MACROD2: variants seen among roughly 807,000 people sequenced by gnomAD.
The protein encoded by MACROD2 is mono-ADP ribosylhydrolase 2.
MACROD2 carries 36 observed loss-of-function variants against 70.4 expected under a neutral mutation model. That is an observed-to-expected ratio of 0.51 (90% CI 0.39 to 0.68). MACROD2 has a LOEUF of 0.68. MACROD2 is among the 30% of genes least tolerant of loss of function. The pLI, the probability that MACROD2 is intolerant of heterozygous loss-of-function variation, is 0.00. For missense variants in MACROD2, 496 were observed against 538.4 expected (o/e 0.92, Z 0.78); for synonymous variants, 172 against 178.8 (o/e 0.96, Z 0.30).
chr20:14,936,062 C>T (rs2074337962), intron 5 of MACROD2, among the ~76,000 whole-genome samples: 1 of 152,102 alleles, frequency 6.6e-6, no homozygotes, highest in Admixed American at 6.6e-5. Flanking sequence ...CTTGTGCTTA[C>T]ATTTCAGTGG....
intron 7 of MACROD2, among the ~76,000 whole-genome samples, chr20:15,477,170 A>G (rs1253107821): frequency 7.0e-6 from 1 of 143,106 alleles, no homozygotes; most frequent in Non-Finnish European, 1.5e-5. Context: ...GCGTAATCAC[A>G]GCAAACTGCA....
chr20:15,981,185 T>C (rs2066392933), intron 13 of MACROD2, among the ~76,000 whole-genome samples: 2 of 152,146 alleles, frequency 1.3e-5, no homozygotes, highest in Non-Finnish European at 1.5e-5. Context: ...TGTCTACATA[T>C]CCAGTATAAC....
intron 6 of MACROD2, among the ~76,000 whole-genome samples, chr20:15,359,009 C>A (rs2078321661): frequency 1.3e-5 from 2 of 152,120 alleles, no homozygotes; most frequent in African/African-American, 4.8e-5. Flanking sequence ...CTTCAACGTG[C>A]TATTCTCTTA....
intron 4 of MACROD2, among the ~76,000 whole-genome samples, chr20:14,641,413 T>G (rs1985082980): frequency 6.6e-6 from 1 of 152,242 alleles, no homozygotes; most frequent in South Asian, 2.1e-4. Context: ...TTGAATTTTC[T>G]TCCATGAATC....
At chr20:15,619,940 A>G (rs1238636615) in intron 8 of MACROD2, 1 of 152,590 alleles carries the variant, frequency 6.6e-6, no homozygotes, top group Admixed American at 6.5e-5. Flanking sequence ...GGTCCCTGTC[A>G]ATAGGGTTGC....
At chr20:15,174,179 ACACTCAAGTG>A (rs2076442824) in intron 5 of MACROD2, among the ~76,000 whole-genome samples, 2 of 152,178 alleles carry the variant, frequency 1.3e-5, no homozygotes, top group Admixed American at 1.3e-4. Context: ...TATTATTTTT[ACACTCAAGTG>A]CAATGTCTCG....
intron 5 of MACROD2, among the ~76,000 whole-genome samples, chr20:14,833,223 G>A (rs1184409478): frequency 1.3e-5 from 2 of 152,122 alleles, no homozygotes; most frequent in Non-Finnish European, 2.9e-5. Context: ...CATTCCATAC[G>A]TGGGGCTTAT....
At chr20:14,825,952 G>T (rs2072897641) in intron 5 of MACROD2, among the ~76,000 whole-genome samples, 1 of 152,054 alleles carries the variant, frequency 6.6e-6, no homozygotes, top group African/African-American at 2.4e-5. Flanking sequence ...ACAAGCAAAG[G>T]CTAAGCTTCA....
intron 6 of MACROD2, among the ~76,000 whole-genome samples, chr20:15,279,842 A>T (rs970368198): frequency 2.0e-5 from 3 of 152,178 alleles, no homozygotes; most frequent in Non-Finnish European, 4.4e-5. Context: ...GTGCAAAAAA[A>T]TTGACAAATT....
chr20:14,155,169 A>T (rs1241694447), intron 3 of MACROD2, among the ~76,000 whole-genome samples: 1 of 152,144 alleles, frequency 6.6e-6, no homozygotes, highest in Non-Finnish European at 1.5e-5. Flanking sequence ...CATATATATA[A>T]CTCATATATA....
At chr20:14,651,443 T>C (rs1306113832) in intron 4 of MACROD2, among the ~76,000 whole-genome samples, 2 of 152,132 alleles carry the variant, frequency 1.3e-5, no homozygotes, top group Admixed American at 6.5e-5. Context: ...ATCCTGGCTT[T>C]GACTGGAACA....
intron 6 of MACROD2, among the ~76,000 whole-genome samples, chr20:15,392,884 A>C (rs182299699): frequency 6.6e-6 from 1 of 151,822 alleles, no homozygotes. Flanking sequence ...GAAATTGTAC[A>C]GTGTAAAGTG....
chr20:16,022,228 T>C (rs1044794720), intron 15 of MACROD2, among the ~76,000 whole-genome samples: 5 of 151,966 alleles, frequency 3.3e-5, no homozygotes, highest in Non-Finnish European at 7.4e-5. Context: ...GTTTTTGTAG[T>C]TTTTAGTAGA....
At position 15,884,668 on chromosome 20, in the gene MACROD2, T is replaced by C. The variant is rs1163501159; in HGVS notation, c.728-1096T>C. 4.6e-5 allele frequency among the ~76,000 whole-genome samples: 7 copies of C among 152,180 alleles called. No individual in the cohort carries two copies. The East Asian group carries it at 1.2e-3, about 25-fold the overall frequency. ...AAATGGCACTGGGAGTCTGAATTTG[T>C]ACTGCAATAATGTGAGGAGAGAGGA... is the stretch of plus-strand genomic sequence containing the variant. On this transcript the variant is annotated intron_variant, in intron 9 of 17. Transcript: ENST00000684519.
intron 8 of MACROD2, among the ~76,000 whole-genome samples, chr20:15,761,235 G>T (rs961163157): frequency 6.6e-6 from 1 of 152,092 alleles, no homozygotes; most frequent in Admixed American, 6.5e-5. Flanking sequence ...TAGTAGAGAT[G>T]GGGTTTTACC....
chr20:14,099,843 GT>G (rs369930198), intron 3 of MACROD2, among the ~76,000 whole-genome samples: 46 of 152,170 alleles, frequency 3.0e-4, no homozygotes, highest in African/African-American at 8.7e-4. Flanking sequence ...TTTAAAAATA[GT>G]GCATAAATTA....
chr20:14,355,665 A>G (rs1023641236), intron 3 of MACROD2, among the ~76,000 whole-genome samples: 38 of 152,338 alleles, frequency 2.5e-4, no homozygotes, highest in African/African-American at 8.4e-4. Context: ...TATTAAGAGC[A>G]AATTTGAAAT....
intron 7 of MACROD2, among the ~76,000 whole-genome samples, chr20:15,461,681 G>T (rs1312426686): frequency 1.3e-5 from 2 of 152,038 alleles, no homozygotes; most frequent in African/African-American, 4.8e-5. Flanking sequence ...TAGTTGTTCT[G>T]CAAAACTTCT....
At chr20:15,018,970 T>G (rs2075143059) in intron 5 of MACROD2, among the ~76,000 whole-genome samples, 1 of 152,332 alleles carries the variant, frequency 6.6e-6, no homozygotes, top group South Asian at 2.1e-4. Flanking sequence ...GCTGGTGTCA[T>G]GCTTGTACAG....
Sources: allele counts gnomAD v4.1 joint callset (sites outside exome capture counted in the v4.1 genomes callset), GRCh38; gene constraint gnomAD v4.1.1; transcripts MANE v1.5; gene names NCBI Gene and HGNC (gene_info 2026-07-23, HGNC 2026-07-21).